The following STRADA variants were observed in gnomAD, a reference collection of about 807,000 sequenced individuals.
The protein encoded by STRADA is STE20 related adaptor alpha.
STRADA carries 26 observed loss-of-function variants against 55.0 expected under a neutral mutation model. The observed-to-expected ratio is 0.47, with a 90% CI of 0.35 to 0.66. The LOEUF (loss-of-function observed/expected upper bound fraction) is 0.66. STRADA is among the 30% of genes least tolerant of loss of function. The pLI is 0.01. For missense variants in STRADA, 443 were observed against 549.7 expected, an observed-to-expected ratio of 0.81 and a Z score of 1.94; for synonymous variants, 197 against 210.9, an observed-to-expected ratio of 0.93 and a Z score of 0.57.
In STRADA at chr17:63,711,022, C is replaced by T; in HGVS notation, c.349-186G>A. On this transcript the variant is annotated intron_variant, in intron 6 of 12. Transcript: ENST00000336174. Reference sequence around the variant, plus strand: ...AAGGCCCTGCTGCCTCTGCAGGGACCCAGCACTGCTTTGCCTCTGCCAGAT... The same window carrying T: ...AAGGCCCTGCTGCCTCTGCAGGGACTCAGCACTGCTTTGCCTCTGCCAGAT... The T allele has an allele frequency of 5.1e-6, 3 of 589,498 alleles. No homozygotes were observed. In the South Asian group the frequency reaches 6.2e-5, roughly 12 times the overall value. 36.5% of individuals were successfully genotyped at this position (589,498 alleles called of 1,614,324 possible).
intron 10 of STRADA, 200 bp downstream of exon 10, chr17:63,706,435 G>A (rs1204956968): frequency 3.7e-6 from 2 of 536,784 alleles, no homozygotes; most frequent in African/African-American, 1.9e-5. Context: ...CCCCAAGCTG[G>A]CCTCCCTTAC....
Position 63,703,673 on chromosome 17 carries a change from A to C in STRADA, c.1222T>G (p.Ser408Ala). Reference sequence around the variant, plus strand: ...CCAAAGATTCCACTGTGGTCCTGAGACTGGCTGCCCTCAAAATTGGTGATG... The same window carrying C: ...CCAAAGATTCCACTGTGGTCCTGAGCCTGGCTGCCCTCAAAATTGGTGATG... Reference protein sequence around the residue: ...TPITNFEGSQSQDHSGIFGLV... With the variant: ...TPITNFEGSQAQDHSGIFGLV... The change falls in exon 13 of 13, where the codon TCT becomes GCT. Residue 408 changes from serine (S) to alanine (A), a missense_variant. Physicochemically the swap from Ser to Ala is moderately conservative, Grantham distance 99. Coordinates refer to ENST00000336174, the MANE Select transcript of STRADA (RefSeq NM_001003787.4). 6.2e-7 allele frequency: 1 copy of C among 1,614,176 alleles called. No homozygotes were observed. Among genetic ancestry groups the C allele is most frequent in the Non-Finnish European group, 8.5e-7 (1 of 1,180,004 alleles).
intron 1 of STRADA, among the ~76,000 whole-genome samples, chr17:63,730,625 TG>T (rs2037972362): frequency 6.6e-6 from 1 of 151,786 alleles, no homozygotes; most frequent in African/African-American, 2.4e-5. Context: ...GGCGCGATCC[TG>T]GCTCACTGCA....
At chr17:63,709,129 CCT>C (rs2036316708) in intron 8 of STRADA, among the ~76,000 whole-genome samples, 1 of 152,174 alleles carries the variant, frequency 6.6e-6, no homozygotes, top group Non-Finnish European at 1.5e-5. Context: ...AAACATGTCC[CCT>C]GATGGGTCTG....
chr17:63,734,987 G>A (rs1348303438), intron 1 of STRADA, among the ~76,000 whole-genome samples: 2 of 152,044 alleles, frequency 1.3e-5, no homozygotes, highest in Non-Finnish European at 2.9e-5. Flanking sequence ...GAGAAACCCC[G>A]TCTCTAATAA....
chr17:63,708,993 C>T (rs921687557), intron 8 of STRADA, among the ~76,000 whole-genome samples: 1 of 152,242 alleles, frequency 6.6e-6, no homozygotes, highest in Admixed American at 6.5e-5. Flanking sequence ...AGCTGTGTAC[C>T]TTTCATCTTT....
At position 63,740,088 on chromosome 17, in the gene STRADA, A is replaced by C. The variant is rs572909221; in HGVS notation, c.-45+1653T>G. On this transcript the variant is annotated intron_variant, in intron 1 of 12. Transcript: ENST00000336174. ...CAGCCTATCAGAAACATTTAACACT[A>C]TATATATATATATATATATACATAC... Among the ~76,000 whole-genome samples, 8 of 64,246 alleles carry C rather than the reference A, an allele frequency of 1.2e-4. No individual in the cohort carries two copies. In the South Asian group the frequency reaches 5.0e-3, roughly 40 times the overall value. The allele number at this position is 64,246 out of a possible 152,430, so 42.1% of individuals were successfully genotyped here.
At chr17:63,732,197 G>A (rs2038115592) in intron 1 of STRADA, among the ~76,000 whole-genome samples, 1 of 151,948 alleles carries the variant, frequency 6.6e-6, no homozygotes, top group African/African-American at 2.4e-5. Context: ...TAGAGACGGG[G>A]TTTTGCCATG....
chr17:63,738,000 G>A (rs773892222), intron 1 of STRADA, among the ~76,000 whole-genome samples: 5 of 150,782 alleles, frequency 3.3e-5, no homozygotes, highest in Non-Finnish European at 5.9e-5. Context: ...GAAAAGAAAA[G>A]AGAAGAGAAA....
intron 4 of STRADA, 104 bp downstream of exon 4, chr17:63,723,194 G>T: frequency 7.5e-7 from 1 of 1,326,562 alleles, no homozygotes; most frequent in Non-Finnish European, 1.1e-6. Flanking sequence ...CTCAGTGACA[G>T]ATAAGCAGAA....
chr17:63,721,888 A>G (rs914043760), intron 4 of STRADA, among the ~76,000 whole-genome samples: 3 of 152,226 alleles, frequency 2.0e-5, no homozygotes, highest in Admixed American at 2.0e-4. Flanking sequence ...GATATTGTAT[A>G]GGTCCGAACT....
chr17:63,712,124 T>C (rs1186609101), intron 6 of STRADA, among the ~76,000 whole-genome samples: 2 of 152,022 alleles, frequency 1.3e-5, no homozygotes, highest in African/African-American at 4.8e-5. Context: ...CAACTAACTC[T>C]ACTGAAGGAA....
In STRADA at chr17:63,710,669, G is replaced by C. The variant is rs531765735; in HGVS notation, c.458-55C>G. The C allele has an allele frequency of 1.1e-5, 17 of 1,613,960 alleles. No individual in the cohort carries two copies. The East Asian group carries it at 3.6e-4, about 34-fold the overall frequency. On this transcript the variant is annotated intron_variant, in intron 7 of 12. Coordinates refer to ENST00000336174, the MANE Select transcript of STRADA (RefSeq NM_001003787.4). ...AAAGGTAATGGAGGAGGAAAACACA[G>C]GCAATCTGACAACAGAGTCCCAATA...
At chr17:63,731,461 T>C (rs1182550672) in intron 1 of STRADA, among the ~76,000 whole-genome samples, 6 of 147,198 alleles carry the variant, frequency 4.1e-5, no homozygotes, top group Non-Finnish European at 7.5e-5. Flanking sequence ...AGGCGGGGTT[T>C]CACCATGTTG....
rs376283655 is a variant in STRADA at position 63,710,699 on chromosome 17, C to G, written c.457+29G>C. 3 of 1,613,994 alleles carry G rather than the reference C, an allele frequency of 1.9e-6. No homozygotes were observed. The African/African-American group carries it at 4.0e-5, about 22-fold the overall frequency. ...TCTGACAACAGAGTCCCAATAACCC[C>G]TTTCTACCAAGAACCCTTTCCCACT... On this transcript the variant is annotated intron_variant, in intron 7 of 12. Coordinates refer to ENST00000336174, the MANE Select transcript of STRADA (RefSeq NM_001003787.4).
At position 63,710,484 on chromosome 17, in the gene STRADA, A is replaced by C; in HGVS notation, c.581+7T>G. 6.2e-7 allele frequency: 1 copy of C among 1,613,262 alleles called. No individual in the cohort carries two copies. Among genetic ancestry groups the C allele is most frequent in the Non-Finnish European group, 8.5e-7 (1 of 1,179,860 alleles). ...GTAATCATGGGAAAGGCCGCCTAAG[A>C]ACGCACCTGTGTACATATCCCATGT... On this transcript the variant is annotated splice_region_variant and intron_variant, in intron 8 of 12. Coordinates refer to ENST00000336174, the MANE Select transcript of STRADA (RefSeq NM_001003787.4).
rs1309095081 is a variant in STRADA at position 63,740,107 on chromosome 17, T to TATATATATATATATAAACAC, written c.-45+1633_-45+1634insGTGTTTATATATATATATAT. ...AACACTATATATATATATATATATA[T>TATATATATATATATAAACAC]ACATACATACATATATATATACACA... On this transcript the variant is annotated intron_variant, in intron 1 of 12. Coordinates refer to ENST00000336174, the MANE Select transcript of STRADA (RefSeq NM_001003787.4). Among the ~76,000 whole-genome samples, 2 of 49,650 alleles carry TATATATATATATATAAACAC rather than the reference T, an allele frequency of 4.0e-5. 1 individual carries two copies. The highest frequency in any genetic ancestry group is 1.9e-4 in the African/African-American group (2 of 10,546). The allele number at this position is 49,650 out of a possible 152,430, so 32.6% of individuals were successfully genotyped here.
chr17:63,708,654 C>T (rs2036280221), intron 8 of STRADA, among the ~76,000 whole-genome samples: 1 of 152,094 alleles, frequency 6.6e-6, no homozygotes, highest in Non-Finnish European at 1.5e-5. Context: ...CTTGCCTCAG[C>T]CTCCTGAGTA....
At chr17:63,733,036 C>T (rs370613686) in intron 1 of STRADA, among the ~76,000 whole-genome samples, 34 of 152,076 alleles carry the variant, frequency 2.2e-4, no homozygotes, top group East Asian at 5.8e-4. Context: ...TACAGGCACC[C>T]GCCACCACAC....
Sources: gnomAD v4.1 joint callset for allele counts (sites outside exome capture counted in the v4.1 genomes callset) on GRCh38, gnomAD v4.1.1 for gene constraint, MANE v1.5 for transcripts, NCBI Gene and HGNC (gene_info 2026-07-23, HGNC 2026-07-21) for gene names.